Variants in CAMTA1 observed in about 807,000 individuals in gnomAD.
CAMTA1 encodes calmodulin binding transcription activator 1.
Under a neutral mutation model 170.9 loss-of-function variants are expected in CAMTA1, and 27 were observed. The ratio of observed to expected loss-of-function variants is 0.16; its 90% CI spans 0.12 to 0.22. CAMTA1 has a LOEUF of 0.22. Among genes scored for constraint, CAMTA1 ranks in the 10% least tolerant of loss-of-function variants. The pLI, the probability that CAMTA1 is intolerant of heterozygous loss-of-function variation, is 1.00. For missense variants in CAMTA1, 1,619 were observed against 2,217.2 expected, an observed-to-expected ratio of 0.73 and a Z score of 5.42; for synonymous variants, 833 against 891.5, an observed-to-expected ratio of 0.93 and a Z score of 1.17.
At chr1:7,407,387 T>A (rs1304104707) in intron 5 of CAMTA1, among the ~76,000 whole-genome samples, 1 of 152,150 alleles carries the variant, frequency 6.6e-6, no homozygotes, top group Non-Finnish European at 1.5e-5. Context: ...ATGCAGTGTG[T>A]GACTGGAGGG....
intron 4 of CAMTA1, among the ~76,000 whole-genome samples, chr1:7,177,121 A>G (rs1651014708): frequency 6.8e-6 from 1 of 146,160 alleles, no homozygotes; most frequent in African/African-American, 2.6e-5. Flanking sequence ...CCTCCCACCC[A>G]TGGAGGCTCC....
rs889875577 is a variant in CAMTA1, at chr1:6,804,176, CTTTTTTTTTT to C, written c.46-15993_46-15984del. On this transcript the variant is annotated intron_variant, in intron 1 of 22. Coordinates refer to ENST00000303635, the MANE Select transcript of CAMTA1 (RefSeq NM_015215.4). ...TCCAGCCTGGGAAACGAGCGAAACT[CTTTTTTTTTT>C]TTTTTTTTTTTGGTAAAGACAGGGT... 3.8e-4 allele frequency among the ~76,000 whole-genome samples: 44 copies of C among 116,470 alleles called. No homozygotes were observed. The Middle Eastern group carries it at 0.018, about 47-fold the overall frequency. The allele number at this position is 116,470 out of a possible 152,430, so 76.4% of individuals were successfully genotyped here. A position where few individuals can be genotyped will look rare whatever the true frequency, so the allele number is the denominator to read the frequency against.
chr1:7,134,682 G>A (rs1390891843), intron 4 of CAMTA1, among the ~76,000 whole-genome samples: 1 of 152,122 alleles, frequency 6.6e-6, no homozygotes, highest in Non-Finnish European at 1.5e-5. Context: ...TGAACACATG[G>A]TAGCTAGTAA....
intron 6 of CAMTA1, among the ~76,000 whole-genome samples, chr1:7,597,311 G>A (rs556647162): frequency 2.0e-5 from 3 of 152,310 alleles, no homozygotes; most frequent in South Asian, 2.1e-4. Context: ...ATGAGCTGAC[G>A]CCTGTGATGT....
chr1:7,142,228 A>G, intron 4 of CAMTA1: 1 of 490,402 alleles, frequency 2.0e-6, no homozygotes, highest in Non-Finnish European at 4.1e-6. Context: ...ACCTTAAAGA[A>G]CCTTCCAGTT....
intron 3 of CAMTA1, among the ~76,000 whole-genome samples, chr1:6,999,265 A>G (rs1203551723): frequency 1.3e-5 from 2 of 152,218 alleles, no homozygotes; most frequent in Admixed American, 6.5e-5. Flanking sequence ...TTGCACTGAG[A>G]TAAAGAAATG....
chr1:7,661,273 T>C (rs1280586611), intron 7 of CAMTA1, among the ~76,000 whole-genome samples: 1 of 152,162 alleles, frequency 6.6e-6, no homozygotes, highest in African/African-American at 2.4e-5. Flanking sequence ...GGGAGAGGCA[T>C]TGGTCCTCCC....
intron 5 of CAMTA1, among the ~76,000 whole-genome samples, chr1:7,442,231 A>G (rs1349113829): frequency 1.3e-5 from 2 of 152,216 alleles, no homozygotes; most frequent in Non-Finnish European, 2.9e-5. Flanking sequence ...GATGAGAACT[A>G]CTGTCATTCA....
chr1:6,893,193 G>A (rs1209682697), intron 3 of CAMTA1, among the ~76,000 whole-genome samples: 1 of 152,042 alleles, frequency 6.6e-6, no homozygotes, highest in East Asian at 1.9e-4. Context: ...GGCAGGAGGT[G>A]GAGGTTGCAG....
At chr1:7,556,102 C>T (rs1296270162) in intron 6 of CAMTA1, among the ~76,000 whole-genome samples, 1 of 152,150 alleles carries the variant, frequency 6.6e-6, no homozygotes, top group Non-Finnish European at 1.5e-5. Flanking sequence ...GTGGTTTTTG[C>T]AGGAAGGAAC....
At position 6,902,660 on chromosome 1, in the gene CAMTA1, G is replaced by A. The variant is rs900005701; in HGVS notation, c.234+77450G>A. ...TTTGTTTGTCAGAATGTATGGACCT[G>A]TGCACTTTGAACAGGTAGTTCACAA... is the stretch of plus-strand genomic sequence containing the variant. On this transcript the variant is annotated intron_variant, in intron 3 of 22. Transcript: ENST00000303635. Among the ~76,000 whole-genome samples, 5 of 152,246 alleles carry A rather than the reference G, an allele frequency of 3.3e-5. No individual in the cohort carries two copies. In the East Asian group the frequency reaches 5.8e-4, roughly 18 times the overall value.
chr1:7,246,605 C>T (rs1382644579), intron 4 of CAMTA1, among the ~76,000 whole-genome samples: 5 of 151,220 alleles, frequency 3.3e-5, no homozygotes, highest in East Asian at 2.0e-4. Flanking sequence ...ACCTGTCATT[C>T]GTCCCAGAGC....
At chr1:7,653,423 A>G (rs551635635) in intron 7 of CAMTA1, among the ~76,000 whole-genome samples, 2 of 152,062 alleles carry the variant, frequency 1.3e-5, no homozygotes, top group East Asian at 1.9e-4. Flanking sequence ...CCACCACACC[A>G]GACTAATGTT....
At chr1:7,657,308 G>A (rs1221215029) in intron 7 of CAMTA1, among the ~76,000 whole-genome samples, 1 of 152,216 alleles carries the variant, frequency 6.6e-6, no homozygotes, top group Non-Finnish European at 1.5e-5. Context: ...ACTATGGGGA[G>A]CTGCAGAGAG....
chr1:7,498,195 T>TTG (rs34689564), intron 6 of CAMTA1, among the ~76,000 whole-genome samples: 3 of 101,246 alleles, frequency 3.0e-5, no homozygotes, highest in African/African-American at 1.2e-4. Context: ...AGAGTGAGTG[T>TTG]GTGTGTGTGT....
At chr1:7,444,227 G>C (rs992772810) in intron 5 of CAMTA1, among the ~76,000 whole-genome samples, 4 of 152,206 alleles carry the variant, frequency 2.6e-5, no homozygotes, top group Non-Finnish European at 5.9e-5. Context: ...CCTCTGGAGT[G>C]TGGCCTCAGG....
rs1661351896 is a variant in CAMTA1 at position 7,224,509 on chromosome 1, A to ATT, written c.303-24982_303-24981insTT. 6.6e-6 allele frequency among the ~76,000 whole-genome samples: 1 copy of ATT among 152,176 alleles called. No individual in the cohort carries two copies. The highest frequency in any genetic ancestry group is 1.5e-5 in the Non-Finnish European group (1 of 68,022). On this transcript the variant is annotated intron_variant, in intron 4 of 22. Coordinates refer to ENST00000303635, the MANE Select transcript of CAMTA1 (RefSeq NM_015215.4). The surrounding 1 kb of genome is among the most constrained non-coding windows in gnomAD (Gnocchi z 5.2). ...TTCTGAAACTATTTTCCACTTGCTA[A>ATT]AATTAAGGTTATTATTATTATTTTT... is the stretch of plus-strand genomic sequence containing the variant.
At chr1:7,367,684 C>G (rs1574951797) in intron 5 of CAMTA1, among the ~76,000 whole-genome samples, 1 of 152,272 alleles carries the variant, frequency 6.6e-6, no homozygotes, top group African/African-American at 2.4e-5. Context: ...AAGTCTGTGG[C>G]CTTGGATGCC....
At chr1:6,911,342 G>A (rs1311803524) in intron 3 of CAMTA1, among the ~76,000 whole-genome samples, 2 of 152,162 alleles carry the variant, frequency 1.3e-5, no homozygotes, top group Non-Finnish European at 2.9e-5. Context: ...CAGCTCCTTC[G>A]ACCTCCCTGT....
Sources: allele counts gnomAD v4.1 joint callset (sites outside exome capture counted in the v4.1 genomes callset), GRCh38; gene constraint gnomAD v4.1.1; non-coding constraint Gnocchi (gnomAD v3.1); transcripts MANE v1.5; gene names NCBI Gene and HGNC (gene_info 2026-07-23, HGNC 2026-07-21).